Variants in PSMD1 observed in about 807,000 individuals in gnomAD.
PSMD1 encodes the protein 26S proteasome non-ATPase regulatory subunit 1.
A neutral mutation model predicts 119.0 loss-of-function variants in PSMD1; 18 were observed. That is an observed-to-expected ratio of 0.15 (90% confidence interval 0.10 to 0.22). The LOEUF is 0.22. Ranked by LOEUF, PSMD1 falls within the 10% of genes least tolerant of loss-of-function variation. The probability of loss-of-function intolerance (pLI) is 1.00; values close to 1 mark genes in which losing one functional copy is unlikely to be tolerated. For synonymous variants in PSMD1, 374 were observed against 396.6 expected, an observed-to-expected ratio of 0.94 and a Z score of 0.68; for missense variants, 702 against 1,158.5, an observed-to-expected ratio of 0.61 and a Z score of 5.72.
At chr2:231,119,806 G>A (rs1252946269) in intron 16 of PSMD1, among the ~76,000 whole-genome samples, 2 of 144,378 alleles carry the variant, frequency 1.4e-5, no homozygotes, top group Non-Finnish European at 3.0e-5. Context: ...GTGGGTGGAG[G>A]TTGCAGTGAA....
intron 16 of PSMD1, among the ~76,000 whole-genome samples, chr2:231,118,895 A>T (rs539646535): frequency 6.6e-6 from 1 of 152,348 alleles, no homozygotes; most frequent in East Asian, 1.9e-4. Context: ...CAAATCATAA[A>T]TACTTCTTAT....
rs191155519 is a variant in PSMD1, at chr2:231,140,288, G to A, written c.1998+1438G>A. Among the ~76,000 whole-genome samples the A allele has an allele frequency of 1.5e-3, 232 of 152,026 alleles. 1 individual carries two copies. Among genetic ancestry groups the A allele is most frequent in the Non-Finnish European group, 2.9e-3 (198 of 67,962 alleles). On this transcript the variant is annotated intron_variant, in intron 17 of 24. Coordinates refer to ENST00000308696, the MANE Select transcript of PSMD1 (RefSeq NM_002807.4). ...AGGTGGGCAGATCACGAGGTCAGGA[G>A]TTTGAGATCAGCCTGACCATCATGG...
chr2:231,121,782 G>A (rs1406271160), intron 16 of PSMD1, among the ~76,000 whole-genome samples: 1 of 152,120 alleles, frequency 6.6e-6, no homozygotes, highest in Non-Finnish European at 1.5e-5. Flanking sequence ...AGATTTTAAA[G>A]CTAAAATTCA....
intron 24 of PSMD1, among the ~76,000 whole-genome samples, chr2:231,171,138 C>T (rs183481659): frequency 6.6e-6 from 1 of 152,226 alleles, no homozygotes; most frequent in African/African-American, 2.4e-5. Flanking sequence ...TGGACTGGCA[C>T]TGGCCCATAG....
chr2:231,066,016 A>G (rs1444160171), intron 4 of PSMD1, among the ~76,000 whole-genome samples: 1 of 152,196 alleles, frequency 6.6e-6, no homozygotes, highest in Non-Finnish European at 1.5e-5. Context: ...TATTCAATAC[A>G]CTAATATGCT....
At chr2:231,162,826 C>CAAAA (rs559646312) in intron 20 of PSMD1, among the ~76,000 whole-genome samples, 1 of 101,936 alleles carries the variant, frequency 9.8e-6, no homozygotes, top group African/African-American at 3.6e-5. Flanking sequence ...AACTCTGTCT[C>CAAAA]AAAAAAAAAA....
intron 16 of PSMD1, among the ~76,000 whole-genome samples, chr2:231,094,769 A>G (rs1414392728): frequency 6.6e-6 from 1 of 152,194 alleles, no homozygotes; most frequent in Non-Finnish European, 1.5e-5. Flanking sequence ...GAACTGAATT[A>G]AGTTTGTCAG....
intron 16 of PSMD1, among the ~76,000 whole-genome samples, chr2:231,122,776 A>G (rs1474491207): frequency 2.0e-5 from 3 of 152,150 alleles, no homozygotes; most frequent in Admixed American, 2.0e-4. Context: ...AGGAACACAG[A>G]TGCCCATATA....
rs201874783 is a variant in PSMD1 at position 231,083,734 on chromosome 2, G to T, written c.1693G>T (p.Ala565Ser). 6.2e-7 allele frequency: 1 copy of T among 1,614,170 alleles called. No individual in the cohort carries two copies. The highest frequency in any genetic ancestry group is 1.3e-5 in the African/African-American group (1 of 75,046). Residue 565 changes from alanine to serine, a missense_variant, in exon 14 of 25, where the codon GCT becomes TCT. Physicochemically the swap from Ala to Ser is moderately conservative, Grantham distance 99. Around this residue, in one of 9 missense-constraint regions of PSMD1, gnomAD observed 272 missense variants for 511.6 expected, o/e 0.53. Transcript: ENST00000308696. Reference sequence around the variant, plus strand: ...GTATGGGAGGATGGAAGAGGCTGATGCTCTCATTGAATCTCTCTGTCGTGA... The same window carrying T: ...GTATGGGAGGATGGAAGAGGCTGATTCTCTCATTGAATCTCTCTGTCGTGA... The part of the protein sequence containing the change: ...VMYGRMEEAD[A>S]LIESLCRDKD...
intron 1 of PSMD1, among the ~76,000 whole-genome samples, chr2:231,057,348 G>T (rs1012756220): frequency 1.3e-5 from 2 of 152,116 alleles, no homozygotes; most frequent in African/African-American, 2.4e-5. Flanking sequence ...TTTTTTCTGT[G>T]CCTCCCATTC....
chr2:231,140,020 A>C (rs1696066386), intron 17 of PSMD1, among the ~76,000 whole-genome samples: 1 of 152,214 alleles, frequency 6.6e-6, no homozygotes, highest in Admixed American at 6.5e-5. Context: ...CTTTTAACAA[A>C]GTGTGTATGT....
In PSMD1 at chr2:231,061,249, A is replaced by G. The variant is rs1693751138; in HGVS notation, c.17-18A>G. The G allele has an allele frequency of 2.5e-6, 4 of 1,573,214 alleles. No individual in the cohort carries two copies. In the East Asian group the frequency reaches 9.0e-5, roughly 35 times the overall value. ...TGAGAATGTGTTTCATAATCATGTT[A>G]CATCTTTTTTCTCATAGCTGGAATT... On this transcript the variant is annotated intron_variant, in intron 1 of 24. Coordinates refer to ENST00000308696, the MANE Select transcript of PSMD1 (RefSeq NM_002807.4).
chr2:231,072,060 C>T, intron 6 of PSMD1, 129 bp from the exon 7 acceptor site: 1 of 694,550 alleles, frequency 1.4e-6, no homozygotes, highest in Non-Finnish European at 2.4e-6. Context: ...GAGTGCTAGA[C>T]TGGATAGTCT....
rs116336414 is a variant in PSMD1, at chr2:231,102,969, C to T, written c.1883+15788C>T. Among the ~76,000 whole-genome samples, 738 of 152,284 alleles carry T rather than the reference C, an allele frequency of 4.8e-3. 6 individuals carry two copies. Among genetic ancestry groups the T allele is most frequent in the African/African-American group, 0.017 (699 of 41,560 alleles). On this transcript the variant is annotated intron_variant, in intron 16 of 24. Coordinates refer to ENST00000308696, the MANE Select transcript of PSMD1 (RefSeq NM_002807.4). ...TAAAGTGCATGTTAGATGAGTCATA[C>T]GTCTTATGTCCTTTTAAACTTTAGA...
chr2:231,129,828 A>G (rs1003147278), intron 16 of PSMD1, among the ~76,000 whole-genome samples: 1 of 152,046 alleles, frequency 6.6e-6, no homozygotes, highest in Non-Finnish European at 1.5e-5. Context: ...TATTTCCCCT[A>G]CTTTTTTGTT....
At chr2:231,089,557 TA>T (rs1694536770) in intron 16 of PSMD1, among the ~76,000 whole-genome samples, 1 of 151,994 alleles carries the variant, frequency 6.6e-6, no homozygotes, top group Admixed American at 6.6e-5. Flanking sequence ...TGACAGCATG[TA>T]TTAGTCAGGG....
chr2:231,065,503 G>A (rs1693887710), intron 4 of PSMD1, among the ~76,000 whole-genome samples: 1 of 149,490 alleles, frequency 6.7e-6, no homozygotes, highest in Non-Finnish European at 1.5e-5. Flanking sequence ...GTTTCACCGT[G>A]TTAGCCAGGA....
rs1694062179 is a variant in PSMD1, at chr2:231,072,377, C to T, written c.843C>T (p.Ser281=). 4 of 1,613,628 alleles carry T rather than the reference C, an allele frequency of 2.5e-6. No individual in the cohort carries two copies. Among genetic ancestry groups the T allele is most frequent in the South Asian group, 1.1e-5 (1 of 91,068 alleles). Residue 281 remains serine (S), a synonymous_variant, in exon 7 of 25, where the codon TCC becomes TCT. Coordinates refer to ENST00000308696, the MANE Select transcript of PSMD1 (RefSeq NM_002807.4). ...VGTPIASVPG[S]TNTGTVPGSE... ...CCCCTATTGCTTCTGTGCCTGGATCCACTAATACGGGTACTGTTCCGGGAT... is the reference window on the plus strand; with the variant it reads ...CCCCTATTGCTTCTGTGCCTGGATCTACTAATACGGGTACTGTTCCGGGAT...
intron 16 of PSMD1, among the ~76,000 whole-genome samples, chr2:231,132,376 G>A (rs1695875481): frequency 6.6e-6 from 1 of 152,216 alleles, no homozygotes; most frequent in East Asian, 1.9e-4. Context: ...AACTTGATAA[G>A]TATCCTGCAT....
Sources: allele counts gnomAD v4.1 joint callset (sites outside exome capture counted in the v4.1 genomes callset), GRCh38; gene constraint gnomAD v4.1.1; regional missense constraint gnomAD v4.1.1; transcripts MANE v1.5; gene names NCBI Gene and HGNC (gene_info 2026-07-23, HGNC 2026-07-21).